The following ZBTB20 variants were observed in gnomAD, a reference collection of about 807,000 sequenced individuals.
ZBTB20 encodes the protein zinc finger and BTB domain containing 20, also known as zinc finger and BTB domain-containing protein 20.
Under a neutral mutation model 56.9 loss-of-function variants are expected in ZBTB20, and 9 were observed. The ratio of observed to expected loss-of-function variants is 0.16; its 90% CI spans 0.10 to 0.28. The LOEUF is 0.28. Ranked by LOEUF, ZBTB20 falls within the 10% of genes least tolerant of loss-of-function variation. The probability of loss-of-function intolerance (pLI) is 1.00; values close to 1 mark genes in which losing one functional copy is unlikely to be tolerated. For missense variants in ZBTB20, 655 were observed against 1,003.0 expected, an observed-to-expected ratio of 0.65 and a Z score of 4.69; for synonymous variants, 417 against 420.7, an observed-to-expected ratio of 0.99 and a Z score of 0.11.
intron 6 of ZBTB20, among the ~76,000 whole-genome samples, chr3:114,614,670 A>G (rs756540547): frequency 2.0e-5 from 3 of 152,220 alleles, no homozygotes; most frequent in Middle Eastern, 3.2e-3. Flanking sequence ...GCAAACAAAT[A>G]AAACATAAGT....
chr3:114,593,003 A>G (rs1389114500), intron 6 of ZBTB20, among the ~76,000 whole-genome samples: 1 of 152,202 alleles, frequency 6.6e-6, no homozygotes, highest in East Asian at 1.9e-4. Flanking sequence ...CTTCCAGGCC[A>G]CTATGACATA....
At chr3:114,399,095 C>T (rs930275733) in intron 7 of ZBTB20, among the ~76,000 whole-genome samples, 9 of 152,114 alleles carry the variant, frequency 5.9e-5, no homozygotes, top group Non-Finnish European at 1.5e-5. Context: ...AGTTGGGACT[C>T]AGCAGGTTCC....
At chr3:114,685,538 T>C (rs957173734) in intron 6 of ZBTB20, among the ~76,000 whole-genome samples, 2 of 152,190 alleles carry the variant, frequency 1.3e-5, no homozygotes, top group Non-Finnish European at 2.9e-5. Flanking sequence ...TAAATAAAAA[T>C]ACATTATAAA....
intron 5 of ZBTB20, among the ~76,000 whole-genome samples, chr3:114,753,412 CGT>C (rs1491329371): frequency 0.025 from 2,148 of 86,204 alleles, 661 homozygotes; most frequent in Middle Eastern, 0.057. Flanking sequence ...TATACACACA[CGT>C]ATATATATAT....
intron 5 of ZBTB20, among the ~76,000 whole-genome samples, chr3:114,771,810 G>A (rs940888442): frequency 6.6e-6 from 1 of 152,090 alleles, no homozygotes; most frequent in Non-Finnish European, 1.5e-5. Flanking sequence ...ATCTAAAGAT[G>A]TATTTCTGGT....
chr3:114,370,327 T>C (rs1406610496), intron 10 of ZBTB20, among the ~76,000 whole-genome samples: 1 of 152,238 alleles, frequency 6.6e-6, no homozygotes, highest in Admixed American at 6.5e-5. Context: ...TTCCCATTTA[T>C]CCTATGTTTG....
intron 4 of ZBTB20, among the ~76,000 whole-genome samples, chr3:114,899,342 A>G (rs973210268): frequency 1.3e-5 from 2 of 152,234 alleles, no homozygotes; most frequent in East Asian, 3.9e-4. Flanking sequence ...GTTCAGCTAA[A>G]TGGATCAATA....
chr3:114,538,886 G>C (rs2048784546), intron 6 of ZBTB20, among the ~76,000 whole-genome samples: 1 of 152,106 alleles, frequency 6.6e-6, no homozygotes, highest in African/African-American at 2.4e-5. Flanking sequence ...GAAAGGAGTA[G>C]CTCCATGACT....
rs1460212640 is a variant in ZBTB20 at position 114,330,428 on chromosome 3, G to C, written c.*8577C>G. On this transcript the variant is annotated 3_prime_UTR_variant, in exon 12 of 12. Transcript: ENST00000675478. Reference sequence around the variant, plus strand: ...TGTTATATATAATGTGTATGTCCTAGGTTTCAGAAATACTGCAATGTAGTG... The same window carrying C: ...TGTTATATATAATGTGTATGTCCTACGTTTCAGAAATACTGCAATGTAGTG... 1 of 152,112 alleles carries C rather than the reference G, an allele frequency of 6.6e-6. No individual in the cohort carries two copies. The highest frequency in any genetic ancestry group is 1.5e-5 in the Non-Finnish European group (1 of 68,024). 9.4% of individuals were successfully genotyped at this position (152,112 alleles called of 1,614,324 possible).
At chr3:115,074,590 C>A (rs1187513060) in intron 1 of ZBTB20, among the ~76,000 whole-genome samples, 2 of 152,164 alleles carry the variant, frequency 1.3e-5, no homozygotes, top group Non-Finnish European at 2.9e-5. Flanking sequence ...CACCTCCTGC[C>A]TTAAACAACT....
chr3:114,628,634 A>C (rs1292966835), intron 6 of ZBTB20, among the ~76,000 whole-genome samples: 3 of 152,186 alleles, frequency 2.0e-5, no homozygotes, highest in Non-Finnish European at 4.4e-5. Flanking sequence ...ATAAGAGCCA[A>C]GAGGACGATC....
At chr3:115,006,419 G>A (rs2079472854) in intron 2 of ZBTB20, among the ~76,000 whole-genome samples, 1 of 150,788 alleles carries the variant, frequency 6.6e-6, no homozygotes, top group Non-Finnish European at 1.5e-5. Flanking sequence ...TCTAAAATGT[G>A]CTCATATTAA....
chr3:114,493,600 A>ATGC (rs1309235342), intron 7 of ZBTB20, among the ~76,000 whole-genome samples: 1 of 152,128 alleles, frequency 6.6e-6, no homozygotes, highest in Non-Finnish European at 1.5e-5. Flanking sequence ...CAGGGACTTC[A>ATGC]TGCTGTTCCC....
intron 6 of ZBTB20, among the ~76,000 whole-genome samples, chr3:114,501,532 A>G (rs1279332779): frequency 6.7e-6 from 1 of 149,986 alleles, no homozygotes; most frequent in Non-Finnish European, 1.5e-5. Context: ...AGGCCGAGGC[A>G]GGAGAATTGC....
intron 6 of ZBTB20, among the ~76,000 whole-genome samples, chr3:114,559,369 TG>T (rs1266584200): frequency 1.3e-5 from 2 of 152,226 alleles, no homozygotes; most frequent in Admixed American, 6.5e-5. Flanking sequence ...CATTAATGAC[TG>T]GTCCAAGATC....
chr3:114,658,333 AAG>A (rs1158753766), intron 6 of ZBTB20: 2 of 151,862 alleles, frequency 1.3e-5, no homozygotes, highest in African/African-American at 2.4e-5. Context: ...AAGTCATTCT[AAG>A]AGAAGCATTT....
chr3:115,058,645 C>T (rs902967439), intron 2 of ZBTB20, among the ~76,000 whole-genome samples: 1 of 152,138 alleles, frequency 6.6e-6, no homozygotes, highest in African/African-American at 2.4e-5. Flanking sequence ...AGGAGAATCA[C>T]TTGAACCCAG....
chr3:114,827,285 C>T (rs1157216020), intron 4 of ZBTB20, among the ~76,000 whole-genome samples: 2 of 151,602 alleles, frequency 1.3e-5, no homozygotes, highest in Non-Finnish European at 3.0e-5. Flanking sequence ...ATCTCACCTG[C>T]TACCCCTGAC....
intron 7 of ZBTB20, among the ~76,000 whole-genome samples, chr3:114,489,824 T>C (rs1397099176): frequency 6.6e-6 from 1 of 152,214 alleles, no homozygotes. Context: ...TAACATCATT[T>C]CCTAAAGGGA....
Sources: allele counts gnomAD v4.1 joint callset (sites outside exome capture counted in the v4.1 genomes callset), GRCh38; gene constraint gnomAD v4.1.1; transcripts MANE v1.5; gene names NCBI Gene and HGNC (gene_info 2026-07-23, HGNC 2026-07-21).